Variants in TET1 observed in about 807,000 individuals in gnomAD.
The protein encoded by TET1 is methylcytosine dioxygenase TET1.
TET1 carries 13 observed loss-of-function variants against 148.7 expected under a neutral mutation model. The ratio of observed to expected loss-of-function variants is 0.09; its 90% CI spans 0.06 to 0.14. The LOEUF (loss-of-function observed/expected upper bound fraction) is 0.14, where lower values mean the gene tolerates loss of function less well. Ranked by LOEUF, TET1 falls within the 10% of genes least tolerant of loss-of-function variation. TET1 has a pLI of 1.00. For missense variants in TET1, 2,182 were observed against 2,553.8 expected (o/e 0.85, Z 3.14); for synonymous variants, 907 against 937.2 (o/e 0.97, Z 0.59).
At chr10:68,613,257 C>T (rs1039204484) in intron 3 of TET1, among the ~76,000 whole-genome samples, 6 of 152,178 alleles carry the variant, frequency 3.9e-5, no homozygotes, top group African/African-American at 1.2e-4. Flanking sequence ...TTTAAAAGAA[C>T]CCAAACCTAC....
Position 68,645,690 on chromosome 10 carries a change from C to A in TET1, c.2961C>A (p.Asn987Lys), listed in dbSNP as rs774651932. The change falls in exon 4 of 12, where the codon AAC becomes AAA. Residue 987 changes from asparagine to lysine, a missense_variant. Asn to Lys is a moderately conservative substitution (Grantham distance 94). Transcript: ENST00000373644. ...ACTCACATATCAACTCAGCTACTAA[C>A]CAAGCATCCACAAAGTCACATGAAT... Reference protein sequence around the residue: ...LSNSHINSATNQASTKSHEYS... With the variant: ...LSNSHINSATKQASTKSHEYS... 8.2e-5 allele frequency: 133 copies of A among 1,614,048 alleles called. 1 individual carries two copies. In the South Asian group the frequency reaches 1.4e-3, roughly 17 times the overall value.
chr10:68,637,825 C>T (rs745791796), intron 3 of TET1, among the ~76,000 whole-genome samples: 6 of 151,080 alleles, frequency 4.0e-5, no homozygotes, highest in Middle Eastern at 3.4e-3. Context: ...GCCAAGATGG[C>T]GCCACTACAC....
chr10:68,614,243 C>T (rs2054257919), intron 3 of TET1, among the ~76,000 whole-genome samples: 1 of 152,164 alleles, frequency 6.6e-6, no homozygotes, highest in Admixed American at 6.5e-5. Context: ...TTCTAAGATG[C>T]TATGCATTAT....
At chr10:68,582,158 T>C (rs1254386837) in intron 2 of TET1, among the ~76,000 whole-genome samples, 2 of 151,938 alleles carry the variant, frequency 1.3e-5, no homozygotes, top group Non-Finnish European at 2.9e-5. Flanking sequence ...TGTTGTGCAA[T>C]GGCACAATCT....
intron 3 of TET1, among the ~76,000 whole-genome samples, chr10:68,631,148 CCTAGGCAAT>C (rs1476370346): frequency 6.6e-6 from 1 of 152,126 alleles, no homozygotes; most frequent in African/African-American, 2.4e-5. Flanking sequence ...TGAATTCCAG[CCTAGGCAAT>C]AGTGCCAAAC....
intron 2 of TET1, among the ~76,000 whole-genome samples, chr10:68,584,078 C>T (rs537511959): frequency 2.8e-4 from 42 of 150,312 alleles, no homozygotes; most frequent in Non-Finnish European, 4.6e-4. Context: ...CTTGCTTTGT[C>T]GCCCAGGCTA....
intron 7 of TET1, among the ~76,000 whole-genome samples, chr10:68,668,739 G>A (rs928368520): frequency 3.3e-5 from 5 of 152,168 alleles, no homozygotes; most frequent in Admixed American, 1.3e-4. Flanking sequence ...GCTTTGGGAG[G>A]CCGACAAGGG....
intron 3 of TET1, among the ~76,000 whole-genome samples, chr10:68,625,867 G>A (rs892547397): frequency 1.3e-5 from 2 of 151,830 alleles, no homozygotes; most frequent in African/African-American, 2.4e-5. Flanking sequence ...CAGGTGGATC[G>A]CTTGAGCCCA....
At chr10:68,610,669 CT>C (rs1156778260) in intron 3 of TET1, among the ~76,000 whole-genome samples, 7 of 151,100 alleles carry the variant, frequency 4.6e-5, no homozygotes, top group Admixed American at 2.0e-4. Context: ...TTTGTTTTTA[CT>C]TTTTTTTGAC....
intron 6 of TET1, among the ~76,000 whole-genome samples, chr10:68,663,325 AT>A (rs1259976777): frequency 6.6e-6 from 1 of 152,092 alleles, no homozygotes; most frequent in African/African-American, 2.4e-5. Context: ...CCTTCTCTGC[AT>A]TTTTTATAGT....
At chr10:68,625,202 C>G (rs1156441820) in intron 3 of TET1, among the ~76,000 whole-genome samples, 1 of 152,106 alleles carries the variant, frequency 6.6e-6, no homozygotes, top group South Asian at 2.1e-4. Flanking sequence ...TTCTACTAGC[C>G]AAGTTTGCCC....
rs1277176467 is a variant in TET1, at chr10:68,572,295, G to T, written c.-44G>T. The T allele has an allele frequency of 2.0e-6, 3 of 1,500,644 alleles. No individual in the cohort carries two copies. The highest frequency in any genetic ancestry group is 4.5e-5 in the East Asian group (2 of 43,996). 93.0% of individuals were successfully genotyped at this position (1,500,644 alleles called of 1,614,324 possible). Reference sequence around the variant, plus strand: ...AAGTGAGACTTTCCAAAGGACCAATGACTCTGTTTCCTGCGCCCTTTCATT... The same window carrying T: ...AAGTGAGACTTTCCAAAGGACCAATTACTCTGTTTCCTGCGCCCTTTCATT... On this transcript the variant is annotated 5_prime_UTR_variant, in exon 2 of 12. An upstream start codon of the reference 5' UTR is lost. Coordinates refer to ENST00000373644, the MANE Select transcript of TET1 (RefSeq NM_030625.3).
At chr10:68,663,070 G>A (rs1385994038) in intron 6 of TET1, among the ~76,000 whole-genome samples, 1 of 152,198 alleles carries the variant, frequency 6.6e-6, no homozygotes, top group Non-Finnish European at 1.5e-5. Flanking sequence ...TTTTGGAAGT[G>A]AGTATACAAA....
chr10:68,629,368 A>T (rs2054534864), intron 3 of TET1, among the ~76,000 whole-genome samples: 1 of 151,978 alleles, frequency 6.6e-6, no homozygotes, highest in Non-Finnish European at 1.5e-5. Context: ...TCGTCTCAAA[A>T]AATAATAATA....
At chr10:68,682,560 G>A (rs191567299) in intron 9 of TET1, among the ~76,000 whole-genome samples, 56 of 152,276 alleles carry the variant, frequency 3.7e-4, no homozygotes, top group Admixed American at 8.5e-4. Context: ...GAATGATTGA[G>A]TCTATTTTAC....
intron 7 of TET1, among the ~76,000 whole-genome samples, chr10:68,669,493 G>A (rs909374085): frequency 1.2e-3 from 29 of 23,936 alleles, no homozygotes; most frequent in African/African-American, 3.7e-3. Flanking sequence ...TTTTTTTTTT[G>A]TATTTTTTTG....
chr10:68,667,555 A>G (rs1388324125), intron 7 of TET1, among the ~76,000 whole-genome samples: 1 of 152,074 alleles, frequency 6.6e-6, no homozygotes. Context: ...GAAGATCAAG[A>G]CTATCCTGGC....
intron 9 of TET1, among the ~76,000 whole-genome samples, chr10:68,681,796 A>C (rs545774182): frequency 5.0e-4 from 76 of 152,108 alleles, no homozygotes; most frequent in Non-Finnish European, 9.3e-4. Context: ...GTGAAACCCC[A>C]TCTCAACTAA....
intron 2 of TET1, among the ~76,000 whole-genome samples, chr10:68,575,346 T>A (rs534844494): frequency 6.6e-6 from 1 of 151,932 alleles, no homozygotes; most frequent in East Asian, 1.9e-4. Context: ...ATTGCGCCAT[T>A]GCATTCCAGC....
Sources: gnomAD v4.1 joint callset for allele counts (sites outside exome capture counted in the v4.1 genomes callset) on GRCh38, gnomAD v4.1.1 for gene constraint, MANE v1.5 for transcripts, NCBI Gene and HGNC (gene_info 2026-07-23, HGNC 2026-07-21) for gene names.